PXDNL: variants seen among roughly 807,000 people sequenced by gnomAD.
PXDNL encodes the protein peroxidasin like.
A neutral mutation model predicts 150.8 loss-of-function variants in PXDNL; 145 were observed. The observed-to-expected ratio is 0.96, with a 90% CI of 0.84 to 1.10. The LOEUF (loss-of-function observed/expected upper bound fraction) is 1.10, where lower values mean the gene tolerates loss of function less well. Among genes scored for constraint, PXDNL ranks in the 50% least tolerant of loss-of-function variants. The pLI is 0.00. For synonymous variants in PXDNL, 757 were observed against 725.7 expected, an observed-to-expected ratio of 1.04 and a Z score of -0.69; for missense variants, 2,087 against 1,873.9, an observed-to-expected ratio of 1.11 and a Z score of -2.10.
intron 21 of PXDNL, among the ~76,000 whole-genome samples, chr8:51,321,466 A>G (rs1805313014): frequency 6.6e-6 from 1 of 151,984 alleles, no homozygotes; most frequent in African/African-American, 2.4e-5. Context: ...TTGTGTCCCC[A>G]CCCAATCTCA....
intron 1 of PXDNL, among the ~76,000 whole-genome samples, chr8:51,708,760 C>T (rs544813058): frequency 2.0e-5 from 3 of 152,262 alleles, no homozygotes; most frequent in African/African-American, 7.2e-5. Flanking sequence ...TCAATTTATA[C>T]CAAACAAAAT....
intron 8 of PXDNL, among the ~76,000 whole-genome samples, chr8:51,468,542 A>G (rs1243275008): frequency 6.6e-6 from 1 of 151,936 alleles, no homozygotes; most frequent in African/African-American, 2.4e-5. Flanking sequence ...TTAAAATTCA[A>G]TATTATGTCT....
chr8:51,502,729 T>C (rs930938773), intron 4 of PXDNL, among the ~76,000 whole-genome samples: 1 of 152,102 alleles, frequency 6.6e-6, no homozygotes, highest in Admixed American at 6.6e-5. Flanking sequence ...AAAACTTGAG[T>C]TTAGCATAAG....
In PXDNL at chr8:51,735,793, G is replaced by A. The variant is rs377244235; in HGVS notation, c.164+73388C>T. On this transcript the variant is annotated intron_variant, in intron 1 of 22. Transcript: ENST00000356297. Reference sequence around the variant, plus strand: ...GATCTCCTGACCTCGTGATCCGCCCGCCTCGGCCTCCCAAAGTGCTGGGAT... The same window carrying A: ...GATCTCCTGACCTCGTGATCCGCCCACCTCGGCCTCCCAAAGTGCTGGGAT... Among the ~76,000 whole-genome samples the A allele has an allele frequency of 1.4e-3, 211 of 151,708 alleles. 1 individual carries two copies. Among genetic ancestry groups the A allele is most frequent in the African/African-American group, 4.4e-3 (184 of 41,406 alleles).
chr8:51,550,563 C>A (rs182578029), intron 4 of PXDNL, among the ~76,000 whole-genome samples: 127 of 152,168 alleles, frequency 8.3e-4, no homozygotes, highest in African/African-American at 3.0e-3. Flanking sequence ...ACCACATAAA[C>A]AGAATTAAAA....
intron 1 of PXDNL, among the ~76,000 whole-genome samples, chr8:51,744,684 A>AG (rs2036956132): frequency 6.9e-6 from 1 of 144,644 alleles, no homozygotes; most frequent in Non-Finnish European, 1.5e-5. Context: ...TCAAAAAAAA[A>AG]AAAAAAAAAA....
intron 21 of PXDNL, chr8:51,321,138 A>G (rs7814566): frequency 0.29 from 104,055 of 364,110 alleles, 17,495 homozygotes; most frequent in African/African-American, 0.56. Flanking sequence ...GACCTAGAGT[A>G]TGAAAGAGTT....
At chr8:51,361,413 G>GA (rs375862438) in intron 19 of PXDNL, among the ~76,000 whole-genome samples, 192 of 151,932 alleles carry the variant, frequency 1.3e-3, no homozygotes, top group African/African-American at 4.1e-3. Flanking sequence ...TGCTCAGGTA[G>GA]AAAAAAAATC....
intron 17 of PXDNL, among the ~76,000 whole-genome samples, chr8:51,393,879 C>A (rs539245625): frequency 6.6e-6 from 1 of 152,328 alleles, no homozygotes; most frequent in South Asian, 2.1e-4. Flanking sequence ...CCCAGCAAGA[C>A]CAATTTCCGA....
chr8:51,768,877 C>T lies in PXDNL; in HGVS notation c.164+40304G>A, dbSNP rs559506667. 3.9e-5 allele frequency among the ~76,000 whole-genome samples: 6 copies of T among 152,244 alleles called. No homozygotes were observed. The East Asian group carries it at 7.7e-4, about 20-fold the overall frequency. ...TTGGGAGGCCAAGGTGGGCGGATCA[C>T]GAGGTCAGGAGATCGAGACTATCCT... On this transcript the variant is annotated intron_variant, in intron 1 of 22. Transcript: ENST00000356297.
rs1192496740 is a variant in PXDNL, at chr8:51,764,417, C to CT, written c.164+44763dup. Among the ~76,000 whole-genome samples, 144 of 137,144 alleles carry CT rather than the reference C, an allele frequency of 1.0e-3. 1 individual carries two copies. The highest frequency in any genetic ancestry group is 1.0e-3 in the Non-Finnish European group (64 of 62,578). The allele number at this position is 137,144 out of a possible 152,430, so 90.0% of individuals were successfully genotyped here. A position where few individuals can be genotyped will look rare whatever the true frequency, so the allele number is the denominator to read the frequency against. ...AAGTGAAAGTTTATTTATTTGATGT[C>CT]TTTTTTTTTTAATATGGGCATTTAC... is the stretch of plus-strand genomic sequence containing the variant. On this transcript the variant is annotated intron_variant, in intron 1 of 22. Coordinates refer to ENST00000356297, the MANE Select transcript of PXDNL (RefSeq NM_144651.5).
At chr8:51,613,817 G>A (rs899535220) in intron 2 of PXDNL, among the ~76,000 whole-genome samples, 8 of 152,176 alleles carry the variant, frequency 5.3e-5, no homozygotes, top group Non-Finnish European at 1.2e-4. Flanking sequence ...AGCAAGCATG[G>A]TTGAATACGC....
chr8:51,765,543 G>A (rs2037219110), intron 1 of PXDNL, among the ~76,000 whole-genome samples: 4 of 152,148 alleles, frequency 2.6e-5, no homozygotes, highest in South Asian at 2.1e-4. Context: ...AAGCCAAAGT[G>A]TGTCTCATTA....
chr8:51,319,914 T>C lies in PXDNL; in HGVS notation c.4369A>G (p.Ser1457Gly). Residue 1457 changes from serine to glycine, a missense_variant, in exon 23 of 23, where the codon AGT becomes GGT. By Grantham distance (56) the Ser-to-Gly change is moderately conservative (BLOSUM62 0). Transcript: ENST00000356297. ...TATTAGCGCTTCTCTGGGGAATCAC[T>C]TGGCATTCCTCGGTCTCTGCAAACT... is the stretch of plus-strand genomic sequence containing the variant. ...CPVCRDRGMP[S>G]DSPEKR is the part of the protein sequence containing the mutation. 6.5e-7 allele frequency: 1 copy of C among 1,550,326 alleles called. No homozygotes were observed. The highest frequency in any genetic ancestry group is 1.2e-5 in the South Asian group (1 of 80,504).
At chr8:51,380,137 A>AAT (rs1807487718) in intron 17 of PXDNL, among the ~76,000 whole-genome samples, 1 of 152,110 alleles carries the variant, frequency 6.6e-6, no homozygotes, top group African/African-American at 2.4e-5. Context: ...TAAAAAAAAA[A>AAT]AAATAACAAA....
chr8:51,408,629 G>C lies in PXDNL; in HGVS notation c.2995C>G (p.Gln999Glu). The change falls in exon 17 of 23, where the codon CAG becomes GAG. Residue 999 changes from glutamine to glutamate, a missense_variant. Physicochemically the swap from Gln to Glu is conservative, Grantham distance 29. Transcript: ENST00000356297. ...GCGCCCACGATCTTCCTGGCTTCCT[G>C]GTAAACCGTGTTTCCCTCCCAGTGG... ...NPHWEGNTVYQEARKIVGAEL... is the reference protein window; with the variant it reads ...NPHWEGNTVYEEARKIVGAEL... 6.2e-7 allele frequency: 1 copy of C among 1,608,762 alleles called. No individual in the cohort carries two copies. The highest frequency in any genetic ancestry group is 1.3e-5 in the African/African-American group (1 of 74,958).
chr8:51,659,805 A>G (rs754251535), intron 1 of PXDNL, among the ~76,000 whole-genome samples: 23 of 152,200 alleles, frequency 1.5e-4, no homozygotes, highest in Non-Finnish European at 2.6e-4. Context: ...AACAAACAGA[A>G]ATTTAATATA....
intron 17 of PXDNL, among the ~76,000 whole-genome samples, chr8:51,383,327 C>T (rs1369904951): frequency 6.6e-6 from 1 of 152,136 alleles, no homozygotes; most frequent in African/African-American, 2.4e-5. Context: ...CGCCCCCAAA[C>T]CATTTGTTCC....
intron 5 of PXDNL, among the ~76,000 whole-genome samples, chr8:51,492,180 A>T (rs1247389675): frequency 6.6e-6 from 1 of 152,226 alleles, no homozygotes; most frequent in East Asian, 1.9e-4. Flanking sequence ...ATAAATTTTT[A>T]ATTCAAATTT....
Sources: allele counts gnomAD v4.1 joint callset (sites outside exome capture counted in the v4.1 genomes callset), GRCh38; gene constraint gnomAD v4.1.1; transcripts MANE v1.5; gene names NCBI Gene and HGNC (gene_info 2026-07-23, HGNC 2026-07-21).